EREG: variants seen among roughly 807,000 people sequenced by gnomAD.
The protein encoded by EREG is epiregulin, also known as proepiregulin.
In EREG, 23 loss-of-function variants were observed where a neutral mutation model predicts 22.4. The ratio of observed to expected loss-of-function variants is 1.03; its 90% CI spans 0.74 to 1.46. The LOEUF is 1.46. Ranked by LOEUF, EREG falls within the 40% of genes most tolerant of loss-of-function variation. The probability of loss-of-function intolerance (pLI) is 0.00; values close to 1 mark genes in which losing one functional copy is unlikely to be tolerated. For synonymous variants in EREG, 100 were observed against 75.4 expected (o/e 1.33, Z -1.69); for missense variants, 226 against 205.9 (o/e 1.10, Z -0.60).
At position 74,366,514 on chromosome 4, in the gene EREG, T is replaced by C. The variant is rs1160271355; in HGVS notation, c.67+1139T>C. Among the ~76,000 whole-genome samples, 3 of 152,326 alleles carry C rather than the reference T, an allele frequency of 2.0e-5. 1 individual carries two copies. In the East Asian group the frequency reaches 5.8e-4, roughly 29 times the overall value. On this transcript the variant is annotated intron_variant, in intron 1 of 4. Coordinates refer to ENST00000244869, the MANE Select transcript of EREG (RefSeq NM_001432.3). ...GAGCTAAGAAAGACTTGCTAGAAGA[T>C]TCTCAGTAAACAATGTGGCTTTGCT...
At position 74,387,479 on chromosome 4, in the gene EREG, T is replaced by G. The variant is rs1393244897; in HGVS notation, c.*2671T>G. 1 of 152,244 alleles carries G rather than the reference T, an allele frequency of 6.6e-6. No individual in the cohort carries two copies. Among genetic ancestry groups the G allele is most frequent in the African/African-American group, 2.4e-5 (1 of 41,456 alleles). The allele number at this position is 152,244 out of a possible 1,614,324, so 9.4% of individuals were successfully genotyped here. A position where few individuals can be genotyped will look rare whatever the true frequency, so the allele number is the denominator to read the frequency against. On this transcript the variant is annotated 3_prime_UTR_variant, in exon 5 of 5. Transcript: ENST00000244869. ...AAGTCATTTTTGTATTTTTCATCTT[T>G]AAGAATGCTTAAAAAAGCTAATCCC...
In EREG at chr4:74,381,149, G is replaced by A. The variant is rs1268062845; in HGVS notation, c.278+12G>A. The A allele has an allele frequency of 1.2e-6, 2 of 1,604,642 alleles. No individual in the cohort carries two copies. The highest frequency in any genetic ancestry group is 1.7e-4 in the Middle Eastern group (1 of 6,032). On this transcript the variant is annotated intron_variant, in intron 3 of 4. Transcript: ENST00000244869. ...CAAAACTACTGCAGGTAATATGTCAGAAATAAACAAACACAGTTTGTAAAA... is the reference window on the plus strand; with the variant it reads ...CAAAACTACTGCAGGTAATATGTCAAAAATAAACAAACACAGTTTGTAAAA...
At chr4:74,381,369 T>G (rs888289781) in intron 3 of EREG, 28 of 407,332 alleles carry the variant, frequency 6.9e-5, no homozygotes, top group African/African-American at 5.5e-4. Context: ...CCACTCTCTA[T>G]GACCATGTGT....
intron 1 of EREG, among the ~76,000 whole-genome samples, chr4:74,373,492 G>A (rs545678865): frequency 1.3e-4 from 20 of 151,428 alleles, no homozygotes; most frequent in East Asian, 7.7e-4. Flanking sequence ...GCTATAGACC[G>A]TTTTTACCTT....
chr4:74,380,840 G>GAT (rs2110388588), intron 2 of EREG, among the ~76,000 whole-genome samples, 174 bp from the exon 3 acceptor site: 1 of 152,256 alleles, frequency 6.6e-6, no homozygotes, highest in African/African-American at 2.4e-5. Context: ...AGTGTTTATT[G>GAT]ATTGGTCTAG....
chr4:74,378,179 A>G (rs150127374), intron 1 of EREG, among the ~76,000 whole-genome samples: 5 of 152,296 alleles, frequency 3.3e-5, no homozygotes, highest in African/African-American at 9.6e-5. Context: ...TGGCATGCCT[A>G]TTCCTTCTCA....
chr4:74,381,948 G>GC (rs1752483148), intron 3 of EREG: 1 of 116,682 alleles, frequency 8.6e-6, no homozygotes, highest in Admixed American at 1.2e-4. Flanking sequence ...TCATGCCACT[G>GC]TACTCCAGCC....
intron 1 of EREG, 79 bp downstream of exon 1, chr4:74,365,454 C>A (rs1383626525): frequency 2.3e-6 from 3 of 1,283,618 alleles, no homozygotes; most frequent in Non-Finnish European, 3.3e-6. Context: ...TGTCATTCGA[C>A]AAGTACGGAG....
At chr4:74,376,630 G>C (rs1383154528) in intron 1 of EREG, among the ~76,000 whole-genome samples, 1 of 152,150 alleles carries the variant, frequency 6.6e-6, no homozygotes, top group Non-Finnish European at 1.5e-5. Flanking sequence ...TATATTTTTT[G>C]TAGTTCCACA....
intron 1 of EREG, among the ~76,000 whole-genome samples, chr4:74,368,748 G>A (rs1470679637): frequency 1.3e-5 from 2 of 152,166 alleles, no homozygotes; most frequent in South Asian, 2.1e-4. Context: ...TCTTTACTTT[G>A]AGTGTAGGCC....
chr4:74,365,404 G>T (rs779081526), intron 1 of EREG, 29 bp downstream of exon 1: 3 of 1,605,924 alleles, frequency 1.9e-6, no homozygotes, highest in East Asian at 4.5e-5. Flanking sequence ...GCTTCCGGCC[G>T]CCCCAAAGAG....
At position 74,374,973 on chromosome 4, in the gene EREG, C is replaced by G. The variant is rs373529417; in HGVS notation, c.68-4475C>G. ...GTATTGTAAAAGAAGCGCCAACTGC[C>G]AATTTTGAGTTTACAGATCATCTGT... is the stretch of plus-strand genomic sequence containing the variant. On this transcript the variant is annotated intron_variant, in intron 1 of 4. Transcript: ENST00000244869. 9.9e-5 allele frequency among the ~76,000 whole-genome samples: 15 copies of G among 152,264 alleles called. 1 individual carries two copies. In the East Asian group the frequency reaches 1.5e-3, roughly 16 times the overall value.
At chr4:74,369,669 G>A (rs1034327551) in intron 1 of EREG, among the ~76,000 whole-genome samples, 1 of 151,650 alleles carries the variant, frequency 6.6e-6, no homozygotes, top group East Asian at 1.9e-4. Flanking sequence ...ATTGATACGT[G>A]CACACACACA....
chr4:74,379,324 T>C (rs907824937), intron 1 of EREG, 124 bp from the exon 2 acceptor site: 2 of 600,410 alleles, frequency 3.3e-6, no homozygotes, highest in Non-Finnish European at 6.1e-6. Flanking sequence ...TTTTGTTTTA[T>C]GGTTTTGATG....
Position 74,387,942 on chromosome 4 carries a change from A to T in EREG, c.*3134A>T, listed in dbSNP as rs752095314. ...CCTTAAAATTGATATTATATTAAAC[A>T]TACATAATACAATGTAACTCCACTG... On this transcript the variant is annotated 3_prime_UTR_variant, in exon 5 of 5. Coordinates refer to ENST00000244869, the MANE Select transcript of EREG (RefSeq NM_001432.3). The T allele has an allele frequency of 2.6e-5, 4 of 152,238 alleles. No homozygotes were observed. The highest frequency in any genetic ancestry group is 5.9e-5 in the Non-Finnish European group (4 of 68,030). The allele number at this position is 152,238 out of a possible 1,614,324, so 9.4% of individuals were successfully genotyped here.
intron 1 of EREG, among the ~76,000 whole-genome samples, chr4:74,377,604 T>G (rs536043029): frequency 5.3e-5 from 8 of 152,182 alleles, no homozygotes; most frequent in Non-Finnish European, 8.8e-5. Flanking sequence ...CACACTATTA[T>G]AAAGGACTTC....
chr4:74,373,670 T>C lies in EREG; in HGVS notation c.68-5778T>C, dbSNP rs1247812453. On this transcript the variant is annotated intron_variant, in intron 1 of 4. Transcript: ENST00000244869. ...AGTAATATATGTATATATGTGTTCATATATATTTATATATAAGTAATATTT... is the reference window on the plus strand; with the variant it reads ...AGTAATATATGTATATATGTGTTCACATATATTTATATATAAGTAATATTT... Among the ~76,000 whole-genome samples, 17 of 148,222 alleles carry C rather than the reference T, an allele frequency of 1.1e-4. 2 individuals are homozygous for C. The highest frequency in any genetic ancestry group is 1.9e-4 in the Non-Finnish European group (13 of 67,260).
intron 1 of EREG, among the ~76,000 whole-genome samples, chr4:74,375,382 G>T (rs1047055585): frequency 1.6e-5 from 2 of 125,582 alleles, no homozygotes; most frequent in African/African-American, 6.2e-5. Context: ...GCAGTGGCGC[G>T]ATCTCCGCTC....
rs112943919 is a variant in EREG at position 74,380,429 on chromosome 4, C to T, written c.155-585C>T. Among the ~76,000 whole-genome samples, 1,314 of 152,230 alleles carry T rather than the reference C, an allele frequency of 8.6e-3. 17 individuals carry two copies. Among genetic ancestry groups the T allele is most frequent in the African/African-American group, 0.03 (1,266 of 41,536 alleles). ...ATTTTCATTGCTGTTATTTGTCTACCAGAGGCCTTTCTCACTCAGGGTTTG... is the reference window on the plus strand; with the variant it reads ...ATTTTCATTGCTGTTATTTGTCTACTAGAGGCCTTTCTCACTCAGGGTTTG... On this transcript the variant is annotated intron_variant, in intron 2 of 4. Transcript: ENST00000244869.
Sources: allele counts gnomAD v4.1 joint callset (sites outside exome capture counted in the v4.1 genomes callset), GRCh38; gene constraint gnomAD v4.1.1; transcripts MANE v1.5; gene names NCBI Gene and HGNC (gene_info 2026-07-23, HGNC 2026-07-21).